XAGE2: variants seen among roughly 807,000 people sequenced by gnomAD.
The protein encoded by XAGE2 is G antigen family D member 3.
A neutral mutation model predicts 9.9 loss-of-function variants in XAGE2; 7 were observed. That is an observed-to-expected ratio of 0.71 (90% confidence interval 0.40 to 1.32). The LOEUF is 1.32. Among genes scored for constraint, XAGE2 ranks in the 40% most tolerant of loss-of-function variants. The probability of loss-of-function intolerance (pLI) is 0.01; values close to 1 mark genes in which losing one functional copy is unlikely to be tolerated. For synonymous variants in XAGE2, 31 were observed against 26.8 expected, an observed-to-expected ratio of 1.16 and a Z score of -0.48; for missense variants, 85 against 81.0, an observed-to-expected ratio of 1.05 and a Z score of -0.19.
At chrX:52,375,061 CA>C (rs1921281400) in intron 4 of XAGE2, among the ~76,000 whole-genome samples, 1 of 111,622 alleles carries the variant, frequency 9.0e-6, no homozygotes, top group African/African-American at 3.3e-5. Context: ...TTCTATTCAC[CA>C]CGCATATGCA....
chrX:52,370,726 CA>C, intron 3 of XAGE2, 54 bp downstream of exon 3: 1 of 1,069,214 alleles, frequency 9.4e-7, no homozygotes, highest in Non-Finnish European at 1.3e-6. Flanking sequence ...CCTATGTGTC[CA>C]TCATGCCTTA....
intron 4 of XAGE2, among the ~76,000 whole-genome samples, chrX:52,373,530 T>C (rs1484387604): frequency 7.2e-5 from 8 of 111,240 alleles, no homozygotes; most frequent in East Asian, 5.7e-4. Flanking sequence ...TAAGCATGCT[T>C]TTTGCTCTCC....
At chrX:52,375,196 CTTTG>C (rs1414638739) in intron 4 of XAGE2, among the ~76,000 whole-genome samples, 1 of 111,516 alleles carries the variant, frequency 9.0e-6, no homozygotes, top group African/African-American at 3.3e-5. Flanking sequence ...TTATAAATTC[CTTTG>C]TTTCTTAGTT....
chrX:52,371,206 G>A (rs1431928012), intron 3 of XAGE2, among the ~76,000 whole-genome samples: 1 of 112,054 alleles, frequency 8.9e-6, no homozygotes, highest in African/African-American at 3.2e-5. Context: ...TACGTTCCAA[G>A]GTCTGTGTTC....
chrX:52,369,637 T>C (rs1921142400), intron 1 of XAGE2, among the ~76,000 whole-genome samples: 1 of 111,686 alleles, frequency 9.0e-6, no homozygotes, highest in African/African-American at 3.3e-5. Context: ...AACCTTGATT[T>C]TAGGGAGGGA....
intron 3 of XAGE2, 46 bp downstream of exon 3, chrX:52,370,718 T>C (rs1354210633): frequency 9.0e-7 from 1 of 1,107,347 alleles, no homozygotes; most frequent in African/African-American, 1.8e-5. Flanking sequence ...GAAGGAGGCC[T>C]ATGTGTCCAT....
At chrX:52,369,578 T>G (rs1448679825) in intron 1 of XAGE2, among the ~76,000 whole-genome samples, 1 of 111,574 alleles carries the variant, frequency 9.0e-6, no homozygotes, top group Non-Finnish European at 1.9e-5. Context: ...TCACAACTTC[T>G]CAACTCCACC....
intron 4 of XAGE2, among the ~76,000 whole-genome samples, chrX:52,374,312 C>T (rs1341560305): frequency 8.9e-6 from 1 of 111,975 alleles, no homozygotes. Flanking sequence ...TCTTGGCTGA[C>T]TGCAACCTCC....
At chrX:52,371,743 T>C (rs1437261511) in intron 3 of XAGE2, among the ~76,000 whole-genome samples, 1 of 111,657 alleles carries the variant, frequency 9.0e-6, no homozygotes, top group African/African-American at 3.3e-5. Context: ...TGGTACTATA[T>C]TCTCAATAGG....
At position 52,375,590 on chromosome X, in the gene XAGE2, A is replaced by C. The variant is rs1449531156; in HGVS notation, c.335A>C (p.Ter112SerextTer5). 1 of 1,203,100 alleles carries C rather than the reference A, an allele frequency of 8.3e-7. No individual in the cohort carries two copies. ...PEAGEGKSQV[*>S] ...ACAGGTGAAGGGAAATCACAGGTTT[A>C]AAGGAAGATAAGCTGAAACAACACA... is the stretch of plus-strand genomic sequence containing the variant. The change falls in exon 5 of 5, where the codon TAA (stop) becomes TCA (serine). Residue 112 changes from the stop codon to serine (S), a stop_lost. Transcript: ENST00000286049.
At chrX:52,371,114 G>A (rs1442598081) in intron 3 of XAGE2, among the ~76,000 whole-genome samples, 2 of 111,481 alleles carry the variant, frequency 1.8e-5, no homozygotes, top group Non-Finnish European at 3.8e-5. Context: ...AGGGATATTA[G>A]CCCTATTTTA....
At position 52,370,158 on chromosome X, in the gene XAGE2, G is replaced by A. The variant is rs1921155825; in HGVS notation, c.81+63G>A. ...AAATTTCTTTTGTGATAGTGTTGTT[G>A]AACTAGTATAGATACACTGATAAAG... is the stretch of plus-strand genomic sequence containing the variant. On this transcript the variant is annotated intron_variant, in intron 2 of 4. Coordinates refer to ENST00000286049, the MANE Select transcript of XAGE2 (RefSeq NM_130777.3). 1.6e-5 allele frequency: 17 copies of A among 1,062,280 alleles called. No individual in the cohort carries two copies. The South Asian group carries it at 3.2e-4, about 20-fold the overall frequency. 87.5% of individuals were successfully genotyped at this position (1,062,280 alleles called of 1,213,427 possible). A position where few individuals can be genotyped will look rare whatever the true frequency, so the allele number is the denominator to read the frequency against.
At position 52,370,144 on chromosome X, in the gene XAGE2, G is replaced by A. The variant is rs1921155700; in HGVS notation, c.81+49G>A. On this transcript the variant is annotated intron_variant, in intron 2 of 4. Coordinates refer to ENST00000286049, the MANE Select transcript of XAGE2 (RefSeq NM_130777.3). ...TTTTTTATTAGCAGAAATTTCTTTTGTGATAGTGTTGTTGAACTAGTATAG... is the reference window on the plus strand; with the variant it reads ...TTTTTTATTAGCAGAAATTTCTTTTATGATAGTGTTGTTGAACTAGTATAG... 1.5e-5 allele frequency: 17 copies of A among 1,142,535 alleles called. No homozygotes were observed. In the South Asian group the frequency reaches 2.7e-4, roughly 18 times the overall value. 94.2% of individuals were successfully genotyped at this position (1,142,535 alleles called of 1,213,427 possible). A position where few individuals can be genotyped will look rare whatever the true frequency, so the allele number is the denominator to read the frequency against.
intron 4 of XAGE2, among the ~76,000 whole-genome samples, chrX:52,372,893 C>A (rs1921227080): frequency 1.8e-5 from 2 of 112,224 alleles, no homozygotes; most frequent in African/African-American, 6.5e-5. Context: ...AATATGACAG[C>A]ATTTTCTTAC....
At chrX:52,371,883 C>G (rs1009867087) in intron 3 of XAGE2, among the ~76,000 whole-genome samples, 3 of 111,608 alleles carry the variant, frequency 2.7e-5, no homozygotes, top group African/African-American at 9.8e-5. Flanking sequence ...GTCATAAGCC[C>G]AGGAATACAT....
intron 4 of XAGE2, among the ~76,000 whole-genome samples, chrX:52,374,165 A>C (rs1383957417): frequency 8.9e-6 from 1 of 112,344 alleles, no homozygotes; most frequent in Non-Finnish European, 1.9e-5. Context: ...TGGGAAAAGC[A>C]CAATACAGAA....
intron 2 of XAGE2, 76 bp downstream of exon 2, chrX:52,370,171 T>C: frequency 4.1e-6 from 4 of 984,002 alleles, no homozygotes; most frequent in Non-Finnish European, 5.8e-6. Context: ...CTAGTATAGA[T>C]ACACTGATAA....
rs17850458 is a variant in XAGE2, at chrX:52,372,650, C to T, written c.294C>T (p.His98=). 8.3e-7 allele frequency: 1 copy of T among 1,211,156 alleles called. No individual in the cohort carries two copies. Among genetic ancestry groups the T allele is most frequent in the Non-Finnish European group, 1.1e-6 (1 of 895,092 alleles). Residue 98 remains histidine (H), a synonymous_variant, in exon 4 of 5, where the codon CAC becomes CAT. Coordinates refer to ENST00000286049, the MANE Select transcript of XAGE2 (RefSeq NM_130777.3). The part of the protein sequence containing the change: ...VKGKILPKAE[H]FKMPEAGEGK... ...GGAAGATTCTACCAAAAGCAGAGCA[C>T]TTTAAAATGCCAGAAGCAGGTGTGT...
chrX:52,374,446 T>C (rs1257343973), intron 4 of XAGE2, among the ~76,000 whole-genome samples: 1 of 111,769 alleles, frequency 8.9e-6, no homozygotes, highest in Non-Finnish European at 1.9e-5. Context: ...TTGGACAAGC[T>C]GTTCTCGAAC....
Sources: gnomAD v4.1 joint callset for allele counts (sites outside exome capture counted in the v4.1 genomes callset) on GRCh38, gnomAD v4.1.1 for gene constraint, MANE v1.5 for transcripts, NCBI Gene and HGNC (gene_info 2026-07-23, HGNC 2026-07-21) for gene names.